BMPR1A: variants seen among roughly 807,000 people sequenced by gnomAD.
The protein encoded by BMPR1A is bone morphogenetic protein receptor type 1A, also known as bone morphogenetic protein receptor type-1A.
Under a neutral mutation model 66.0 loss-of-function variants are expected in BMPR1A, and 7 were observed. The observed-to-expected ratio is 0.11, with a 90% CI of 0.06 to 0.20. The LOEUF (loss-of-function observed/expected upper bound fraction) is 0.20. BMPR1A is among the 10% of genes least tolerant of loss of function. BMPR1A has a pLI of 1.00. For missense variants in BMPR1A, 408 were observed against 669.1 expected (o/e 0.61, Z 4.31); for synonymous variants, 200 against 229.7 (o/e 0.87, Z 1.17).
chr10:86,912,422 G>T (rs768335852), intron 8 of BMPR1A, 38 bp downstream of exon 8: 1 of 1,610,008 alleles, frequency 6.2e-7, no homozygotes, highest in African/African-American at 1.3e-5. Context: ...ATGGTGTGTT[G>T]ATTTAGAATG....
chr10:86,795,384 GTT>G (rs1841693031), intron 1 of BMPR1A, among the ~76,000 whole-genome samples: 1 of 149,136 alleles, frequency 6.7e-6, no homozygotes, highest in Admixed American at 6.8e-5. Flanking sequence ...ATATCACTAT[GTT>G]AAGCAAAAAC....
chr10:86,906,486 G>T (rs1411757551), intron 7 of BMPR1A, among the ~76,000 whole-genome samples: 1 of 40,158 alleles, frequency 2.5e-5, no homozygotes, highest in South Asian at 8.4e-4. Context: ...TTGGGAGGCC[G>T]AGGCGGGCGG....
chr10:86,846,124 T>G (rs1290481015), intron 2 of BMPR1A, among the ~76,000 whole-genome samples: 1 of 152,208 alleles, frequency 6.6e-6, no homozygotes, highest in Non-Finnish European at 1.5e-5. Flanking sequence ...GAGAATGCTC[T>G]AAGAGCCCTC....
chr10:86,848,075 G>A (rs532215356), intron 2 of BMPR1A, among the ~76,000 whole-genome samples: 11 of 151,982 alleles, frequency 7.2e-5, no homozygotes, highest in Non-Finnish European at 1.5e-4. Flanking sequence ...GGGACTACAG[G>A]CGCCTGCCAC....
At chr10:86,812,046 C>T (rs1193174128) in intron 1 of BMPR1A, among the ~76,000 whole-genome samples, 1 of 150,978 alleles carries the variant, frequency 6.6e-6, no homozygotes, top group African/African-American at 2.4e-5. Flanking sequence ...CATGCCACTG[C>T]TCTCCAGGGC....
intron 1 of BMPR1A, among the ~76,000 whole-genome samples, chr10:86,768,932 T>G (rs1456870167): frequency 1.3e-5 from 2 of 151,992 alleles, no homozygotes; most frequent in Non-Finnish European, 2.9e-5. Flanking sequence ...ACACTGTGCT[T>G]GCCACTGTAG....
intron 2 of BMPR1A, among the ~76,000 whole-genome samples, chr10:86,848,927 T>G (rs551841310): frequency 1.3e-5 from 2 of 152,318 alleles, no homozygotes; most frequent in South Asian, 4.1e-4. Flanking sequence ...ACTTCCCTAT[T>G]CTCATTGCCT....
At chr10:86,810,328 G>A (rs991187172) in intron 1 of BMPR1A, among the ~76,000 whole-genome samples, 1 of 152,140 alleles carries the variant, frequency 6.6e-6, no homozygotes, top group African/African-American at 2.4e-5. Context: ...TTCGTTGGTT[G>A]ATAAGGCATT....
chr10:86,909,511 G>A (rs2133523808), intron 7 of BMPR1A, among the ~76,000 whole-genome samples: 1 of 151,864 alleles, frequency 6.6e-6, no homozygotes, highest in African/African-American at 2.4e-5. Context: ...GATCAAACCA[G>A]GAAGGCGGGG....
At chr10:86,888,371 G>C (rs184131942) in intron 3 of BMPR1A, among the ~76,000 whole-genome samples, 31 of 152,196 alleles carry the variant, frequency 2.0e-4, no homozygotes, top group African/African-American at 7.0e-4. Flanking sequence ...GGGAGTCTGA[G>C]GCAGGAGAAT....
chr10:86,864,845 T>C (rs532001913), intron 2 of BMPR1A, among the ~76,000 whole-genome samples: 16 of 152,170 alleles, frequency 1.1e-4, no homozygotes, highest in South Asian at 1.0e-3. Flanking sequence ...CTTCTAACAA[T>C]CCCACAATAT....
intron 1 of BMPR1A, among the ~76,000 whole-genome samples, chr10:86,778,929 T>TTC (rs1028878096): frequency 2.2e-5 from 3 of 136,530 alleles, no homozygotes; most frequent in African/African-American, 7.7e-5. Flanking sequence ...TGTATTTTCT[T>TTC]TTTTTTTTTT....
chr10:86,905,349 A>G lies in BMPR1A; in HGVS notation c.530+5223A>G, dbSNP rs369241913. On this transcript the variant is annotated intron_variant, in intron 7 of 12. Coordinates refer to ENST00000372037, the MANE Select transcript of BMPR1A (RefSeq NM_004329.3). ...TAATCCTTCAGACTGCTTAGATCCTATGATCTGCCCCCATAACACTTACTA... is the reference window on the plus strand; with the variant it reads ...TAATCCTTCAGACTGCTTAGATCCTGTGATCTGCCCCCATAACACTTACTA... 2.0e-5 allele frequency among the ~76,000 whole-genome samples: 3 copies of G among 152,304 alleles called. No individual in the cohort carries two copies. In the East Asian group the frequency reaches 5.8e-4, roughly 29 times the overall value.
intron 2 of BMPR1A, among the ~76,000 whole-genome samples, chr10:86,873,235 GA>G (rs1236606853): frequency 3.9e-5 from 6 of 152,088 alleles, no homozygotes; most frequent in African/African-American, 1.4e-4. Context: ...CTTGCAGCAG[GA>G]ACAACCATAC....
At position 86,921,768 on chromosome 10, in the gene BMPR1A, C is replaced by T. The variant is rs1843669304; in HGVS notation, c.1342+73C>T. On this transcript the variant is annotated intron_variant, in intron 11 of 12. Transcript: ENST00000372037. ...AAAAATAACAGCTCCAGTTATATAA[C>T]TTTTTAGTTTTTAATTTTTGTGGGC... 4 of 1,600,040 alleles carry T rather than the reference C, an allele frequency of 2.5e-6. No homozygotes were observed. The African/African-American group carries it at 5.4e-5, about 22-fold the overall frequency.
chr10:86,790,625 TACTC>T (rs1841601837), intron 1 of BMPR1A, among the ~76,000 whole-genome samples: 1 of 152,098 alleles, frequency 6.6e-6, no homozygotes, highest in Non-Finnish European at 1.5e-5. Flanking sequence ...AGAAATGAAG[TACTC>T]ACTCATTTTA....
At chr10:86,791,652 A>C (rs117060900) in intron 1 of BMPR1A, among the ~76,000 whole-genome samples, 3,065 of 142,090 alleles carry the variant, frequency 0.022, 46 homozygotes, top group Non-Finnish European at 0.032. Context: ...AGAGACGTAC[A>C]TTTCCAGTAA....
intron 1 of BMPR1A, among the ~76,000 whole-genome samples, chr10:86,783,919 T>C (rs533946276): frequency 6.6e-6 from 1 of 152,362 alleles, no homozygotes; most frequent in Admixed American, 6.5e-5. Flanking sequence ...TTTTGTGTTG[T>C]TTATTGTTAA....
At chr10:86,838,006 A>G (rs188383818) in intron 1 of BMPR1A, among the ~76,000 whole-genome samples, 9 of 152,348 alleles carry the variant, frequency 5.9e-5, no homozygotes, top group South Asian at 2.1e-4. Flanking sequence ...TGACCTTGCA[A>G]TGGGGCATAG....
Sources: allele counts gnomAD v4.1 joint callset (sites outside exome capture counted in the v4.1 genomes callset), GRCh38; gene constraint gnomAD v4.1.1; transcripts MANE v1.5; gene names NCBI Gene and HGNC (gene_info 2026-07-23, HGNC 2026-07-21).